Variants in FOXJ3 observed in about 807,000 individuals in gnomAD.
The protein encoded by FOXJ3 is forkhead box J3.
A neutral mutation model predicts 76.1 loss-of-function variants in FOXJ3; 22 were observed. The observed-to-expected ratio is 0.29, with a 90% CI of 0.21 to 0.41. FOXJ3 has a LOEUF of 0.41. Ranked by LOEUF, FOXJ3 falls within the 10% of genes least tolerant of loss-of-function variation. The pLI, the probability that FOXJ3 is intolerant of heterozygous loss-of-function variation, is 1.00. For synonymous variants in FOXJ3, 269 were observed against 261.2 expected, an observed-to-expected ratio of 1.03 and a Z score of -0.29; for missense variants, 613 against 762.1, an observed-to-expected ratio of 0.80 and a Z score of 2.30.
In FOXJ3 at chr1:42,191,658, G is replaced by A. The variant is rs1646550279; in HGVS notation, c.996C>T (p.His332=). 1.2e-6 allele frequency: 2 copies of A among 1,614,042 alleles called. No homozygotes were observed. Among genetic ancestry groups the A allele is most frequent in the African/African-American group, 2.7e-5 (2 of 74,914 alleles). Residue 332 remains histidine (H), a synonymous_variant, in exon 9 of 13, where the codon CAC becomes CAT. Coordinates refer to ENST00000361346, the MANE Select transcript of FOXJ3 (RefSeq NM_014947.5). The part of the protein sequence containing the change: ...QQSHTSCTYQ[H]SPSSTVSTHP... Reference sequence around the variant, plus strand: ...GAGTGCTCACTGTACTGCTGGGAGAGTGCTGATAGGTACATGAAGTGTGGG... The same window carrying A: ...GAGTGCTCACTGTACTGCTGGGAGAATGCTGATAGGTACATGAAGTGTGGG...
At chr1:42,237,519 A>T (rs1648783459) in intron 4 of FOXJ3, among the ~76,000 whole-genome samples, 1 of 148,956 alleles carries the variant, frequency 6.7e-6, no homozygotes, top group African/African-American at 2.5e-5. Context: ...AGACTTTTTA[A>T]TATTCCGAAT....
At chr1:42,297,898 G>A (rs1007697059) in intron 2 of FOXJ3, among the ~76,000 whole-genome samples, 3 of 152,088 alleles carry the variant, frequency 2.0e-5, no homozygotes, top group African/African-American at 7.2e-5. Flanking sequence ...TTATATGTCT[G>A]GCAAAATTCA....
intron 4 of FOXJ3, among the ~76,000 whole-genome samples, chr1:42,236,972 C>A (rs978238916): frequency 2.6e-5 from 4 of 152,074 alleles, no homozygotes; most frequent in Non-Finnish European, 5.9e-5. Flanking sequence ...CTATTGATAT[C>A]TTTTGCCCAT....
At chr1:42,330,377 C>T (rs978966084) in intron 1 of FOXJ3, among the ~76,000 whole-genome samples, 17 of 152,222 alleles carry the variant, frequency 1.1e-4, no homozygotes, top group Admixed American at 2.0e-4. Context: ...GTGGCTCACG[C>T]CTGTAATCCT....
intron 4 of FOXJ3, among the ~76,000 whole-genome samples, chr1:42,241,267 A>G (rs1362919561): frequency 6.6e-6 from 1 of 152,196 alleles, no homozygotes; most frequent in East Asian, 1.9e-4. Flanking sequence ...AACTGCCTGC[A>G]GCTGCAGCCA....
At chr1:42,293,194 A>G (rs1002997461) in intron 2 of FOXJ3, among the ~76,000 whole-genome samples, 2 of 152,208 alleles carry the variant, frequency 1.3e-5, no homozygotes, top group Admixed American at 6.5e-5. Flanking sequence ...ATTTGTGATT[A>G]GGAATAAGTA....
At chr1:42,264,491 C>T (rs1026667644) in intron 4 of FOXJ3, among the ~76,000 whole-genome samples, 2 of 152,102 alleles carry the variant, frequency 1.3e-5, no homozygotes, top group Non-Finnish European at 2.9e-5. Context: ...AATACACTGT[C>T]TCAAAGTCCT....
At chr1:42,268,873 A>G (rs181963047) in intron 3 of FOXJ3, among the ~76,000 whole-genome samples, 9 of 152,270 alleles carry the variant, frequency 5.9e-5, no homozygotes, top group African/African-American at 1.9e-4. Flanking sequence ...GGGTGTCCTC[A>G]TGAATGAGAC....
intron 12 of FOXJ3, 70 bp downstream of exon 12, chr1:42,181,847 T>G: frequency 2.0e-6 from 2 of 978,650 alleles, no homozygotes; most frequent in Non-Finnish European, 3.1e-6. Flanking sequence ...TCACCTGCCA[T>G]CGTTGTTCCT....
chr1:42,248,976 T>TC (rs1388146820), intron 4 of FOXJ3, among the ~76,000 whole-genome samples: 1 of 152,106 alleles, frequency 6.6e-6, no homozygotes, highest in East Asian at 1.9e-4. Flanking sequence ...ATTGTTCAAC[T>TC]CCCACTATGA....
intron 12 of FOXJ3, among the ~76,000 whole-genome samples, chr1:42,180,511 T>C (rs1461151619): frequency 6.6e-6 from 1 of 152,218 alleles, no homozygotes; most frequent in Admixed American, 6.5e-5. Flanking sequence ...GGTTGATATT[T>C]ACTTGTAGAA....
intron 4 of FOXJ3, among the ~76,000 whole-genome samples, chr1:42,246,762 T>C (rs1283827878): frequency 6.6e-6 from 1 of 152,172 alleles, no homozygotes; most frequent in African/African-American, 2.4e-5. Flanking sequence ...GCAACATTAT[T>C]CACAAAAGCA....
At chr1:42,329,748 G>A (rs1008852142) in intron 1 of FOXJ3, among the ~76,000 whole-genome samples, 1 of 152,236 alleles carries the variant, frequency 6.6e-6, no homozygotes, top group African/African-American at 2.4e-5. Flanking sequence ...TTTGTACACT[G>A]TAGTGTTAAG....
chr1:42,192,856 G>A (rs999314684), intron 8 of FOXJ3, among the ~76,000 whole-genome samples: 1 of 151,748 alleles, frequency 6.6e-6, no homozygotes, highest in African/African-American at 2.4e-5. Context: ...TAGTAAAACT[G>A]TATTTGTGTT....
intron 3 of FOXJ3, among the ~76,000 whole-genome samples, 175 bp from the exon 4 acceptor site, chr1:42,265,364 T>C (rs1456638040): frequency 1.3e-5 from 2 of 152,178 alleles, no homozygotes; most frequent in Non-Finnish European, 2.9e-5. Context: ...TTATGAATGC[T>C]ATGAGGGGAA....
At chr1:42,330,848 T>C (rs1000451521) in intron 1 of FOXJ3, among the ~76,000 whole-genome samples, 2 of 152,174 alleles carry the variant, frequency 1.3e-5, no homozygotes, top group African/African-American at 4.8e-5. Context: ...AACTTCAAAT[T>C]GCTCATCTTT....
intron 1 of FOXJ3, among the ~76,000 whole-genome samples, chr1:42,322,643 G>A (rs1157195477): frequency 6.6e-6 from 1 of 151,988 alleles, no homozygotes; most frequent in Admixed American, 6.6e-5. Context: ...CAGATTTCAG[G>A]AAGCTAAGGA....
chr1:42,184,388 A>G (rs1030146349), intron 11 of FOXJ3, among the ~76,000 whole-genome samples: 7 of 152,218 alleles, frequency 4.6e-5, no homozygotes, highest in Admixed American at 2.6e-4. Context: ...ATAAACAAAC[A>G]TCTACATAAA....
intron 1 of FOXJ3, among the ~76,000 whole-genome samples, chr1:42,316,319 C>T (rs1241931777): frequency 1.5e-5 from 2 of 136,318 alleles, no homozygotes; most frequent in Non-Finnish European, 3.1e-5. Flanking sequence ...CAGGTGCACA[C>T]CACTGCATTG....
Sources: gnomAD v4.1 joint callset for allele counts (sites outside exome capture counted in the v4.1 genomes callset) on GRCh38, gnomAD v4.1.1 for gene constraint, MANE v1.5 for transcripts, NCBI Gene and HGNC (gene_info 2026-07-23, HGNC 2026-07-21) for gene names.